Variants in CBLB observed in about 807,000 individuals in gnomAD.
CBLB encodes E3 ubiquitin-protein ligase CBL-B.
A neutral mutation model predicts 104.9 loss-of-function variants in CBLB; 31 were observed. The observed-to-expected ratio is 0.30, with a 90% confidence interval of 0.22 to 0.40. The LOEUF is 0.40. Among genes scored for constraint, CBLB ranks in the 10% least tolerant of loss-of-function variants. The pLI, the probability that CBLB is intolerant of heterozygous loss-of-function variation, is 1.00. For synonymous variants in CBLB, 440 were observed against 422.6 expected (o/e 1.04, Z -0.51); for missense variants, 1,062 against 1,214.6 (o/e 0.87, Z 1.87).
At chr3:105,748,335 A>G (rs974817496) in intron 5 of CBLB, among the ~76,000 whole-genome samples, 2 of 152,186 alleles carry the variant, frequency 1.3e-5, no homozygotes, top group Admixed American at 6.5e-5. Flanking sequence ...GACACTCTCT[A>G]TAATTCTTTA....
intron 4 of CBLB, among the ~76,000 whole-genome samples, chr3:105,765,922 G>C (rs534430252): frequency 6.6e-6 from 1 of 152,084 alleles, no homozygotes; most frequent in South Asian, 2.1e-4. Flanking sequence ...CATTTCCTAC[G>C]GCTATAGCTG....
chr3:105,803,653 G>T (rs1483436018), intron 3 of CBLB, among the ~76,000 whole-genome samples: 1 of 152,168 alleles, frequency 6.6e-6, no homozygotes, highest in Non-Finnish European at 1.5e-5. Context: ...AATTCTAACT[G>T]GGGGTGGGAG....
chr3:105,660,194 G>A (rs13070917), intron 18 of CBLB, among the ~76,000 whole-genome samples: 3,951 of 152,044 alleles, frequency 0.026, 143 homozygotes, highest in East Asian at 0.15. Context: ...CACACTATAC[G>A]TATACATGAG....
At chr3:105,665,395 AAAT>A (rs764467983) in intron 18 of CBLB, among the ~76,000 whole-genome samples, 3,021 of 101,620 alleles carry the variant, frequency 0.03, 79 homozygotes, top group East Asian at 0.16. Context: ...CCAAAAAAAT[AAAT>A]AAATAAATAA....
rs76959000 is a variant in CBLB at position 105,785,300 on chromosome 3, T to A, written c.420-8758A>T. Among the ~76,000 whole-genome samples the A allele has an allele frequency of 6.2e-3, 938 of 152,318 alleles. 30 individuals are homozygous for A. The highest frequency in any genetic ancestry group is 0.052 in the East Asian group (271 of 5,186). On this transcript the variant is annotated intron_variant, in intron 3 of 18. Coordinates refer to ENST00000394030, the MANE Select transcript of CBLB (RefSeq NM_170662.5). ...AGATAGGAATAGCCTATAAAATTAGTTTACAGAAAATAATTTTTAACCAAA... is the reference window on the plus strand; with the variant it reads ...AGATAGGAATAGCCTATAAAATTAGATTACAGAAAATAATTTTTAACCAAA...
intron 17 of CBLB, among the ~76,000 whole-genome samples, chr3:105,676,215 G>A (rs1187295864): frequency 6.6e-6 from 1 of 151,728 alleles, no homozygotes; most frequent in East Asian, 1.9e-4. Context: ...AAATACAACG[G>A]TTTATAAAAA....
At chr3:105,765,142 C>T (rs1000691880) in intron 4 of CBLB, among the ~76,000 whole-genome samples, 1 of 152,148 alleles carries the variant, frequency 6.6e-6, no homozygotes, top group Non-Finnish European at 1.5e-5. Flanking sequence ...CTACACAAAA[C>T]AACAGATAAT....
At chr3:105,800,878 A>G (rs2082777376) in intron 3 of CBLB, among the ~76,000 whole-genome samples, 1 of 152,198 alleles carries the variant, frequency 6.6e-6, no homozygotes, top group Non-Finnish European at 1.5e-5. Flanking sequence ...TCGAATTTAG[A>G]TAATAAACAT....
chr3:105,799,174 G>GAAAAAAAAAAAAAAAA (rs1471114207), intron 3 of CBLB, among the ~76,000 whole-genome samples: 1 of 35,136 alleles, frequency 2.8e-5, no homozygotes, highest in Non-Finnish European at 5.7e-5. Context: ...TAATGACAAA[G>GAAAAAAAAAAAAAAAA]AACAAAAAAA....
chr3:105,725,602 G>A (rs1461714279), intron 9 of CBLB, among the ~76,000 whole-genome samples: 1 of 152,028 alleles, frequency 6.6e-6, no homozygotes, highest in Non-Finnish European at 1.5e-5. Context: ...TTACTATAAC[G>A]TGTTTGGACA....
intron 3 of CBLB, among the ~76,000 whole-genome samples, chr3:105,823,784 C>T (rs2096379821): frequency 6.6e-6 from 1 of 152,000 alleles, no homozygotes; most frequent in Admixed American, 6.6e-5. Flanking sequence ...AGCTCTTACT[C>T]GCCAGGGTCC....
In CBLB at chr3:105,868,308, G is replaced by A. The variant is rs547323982; in HGVS notation, c.-15+428C>T. The stretch of plus-strand genomic sequence containing the variant: ...GAGGAGTTCACTTCTCTGGCTCCTC[G>A]CCTCTGCCCTCAACCCAAAGCTTTG... On this transcript the variant is annotated intron_variant, in intron 1 of 18. Coordinates refer to ENST00000394030, the MANE Select transcript of CBLB (RefSeq NM_170662.5). 5.4e-6 allele frequency: 5 copies of A among 926,794 alleles called. No homozygotes were observed. The East Asian group carries it at 1.7e-4, about 31-fold the overall frequency. The allele number at this position is 926,794 out of a possible 1,614,324, so 57.4% of individuals were successfully genotyped here. A position where few individuals can be genotyped will look rare whatever the true frequency, so the allele number is the denominator to read the frequency against.
chr3:105,702,484 A>C (rs1559881452), intron 11 of CBLB, 25 bp from the exon 12 acceptor site: 3 of 1,465,704 alleles, frequency 2.0e-6, no homozygotes, highest in South Asian at 2.7e-5. Context: ...GAGAAAAAAA[A>C]AAAAAAAAAA....
intron 13 of CBLB, among the ~76,000 whole-genome samples, chr3:105,692,916 C>A (rs1251227047): frequency 2.7e-5 from 4 of 149,164 alleles, no homozygotes; most frequent in African/African-American, 9.9e-5. Flanking sequence ...AAATGAGATA[C>A]CCAGTTATCT....
chr3:105,840,548 C>T (rs979002073), intron 3 of CBLB, among the ~76,000 whole-genome samples: 5 of 152,134 alleles, frequency 3.3e-5, no homozygotes, highest in Admixed American at 6.5e-5. Context: ...AATTCTGATA[C>T]CCTTCATATG....
intron 4 of CBLB, among the ~76,000 whole-genome samples, chr3:105,756,222 T>C (rs567129819): frequency 1.4e-3 from 206 of 152,296 alleles, no homozygotes; most frequent in Non-Finnish European, 2.4e-3. Context: ...TAGCTTTATA[T>C]GTAGAAAATA....
intron 18 of CBLB, among the ~76,000 whole-genome samples, chr3:105,663,021 TTAC>T (rs1469118940): frequency 1.3e-5 from 2 of 152,172 alleles, no homozygotes; most frequent in Admixed American, 1.3e-4. Flanking sequence ...ACTACGAGAG[TTAC>T]TACTGTTACT....
In CBLB at chr3:105,855,123, A is replaced by G. The variant is rs1020367345; in HGVS notation, c.169-1459T>C. Among the ~76,000 whole-genome samples, 3 of 152,196 alleles carry G rather than the reference A, an allele frequency of 2.0e-5. No homozygotes were observed. In the South Asian group the frequency reaches 6.2e-4, roughly 32 times the overall value. On this transcript the variant is annotated intron_variant, in intron 2 of 18. Transcript: ENST00000394030. Reference sequence around the variant, plus strand: ...GGTTTAATTACTGTCAGCAATCCCAATGAAACTGAAATAAGGCAGGCAAAG... The same window carrying G: ...GGTTTAATTACTGTCAGCAATCCCAGTGAAACTGAAATAAGGCAGGCAAAG...
intron 3 of CBLB, among the ~76,000 whole-genome samples, chr3:105,821,205 C>A (rs933542492): frequency 1.3e-5 from 2 of 151,866 alleles, no homozygotes; most frequent in African/African-American, 2.4e-5. Context: ...AATTTACATA[C>A]CTAGCTAACA....
Sources: allele counts gnomAD v4.1 joint callset (sites outside exome capture counted in the v4.1 genomes callset), GRCh38; gene constraint gnomAD v4.1.1; transcripts MANE v1.5; gene names NCBI Gene and HGNC (gene_info 2026-07-23, HGNC 2026-07-21).